The following SLC4A8 variants were observed in gnomAD, a reference collection of about 807,000 sequenced individuals.
SLC4A8 encodes the protein electroneutral sodium bicarbonate exchanger 1.
SLC4A8 carries 40 observed loss-of-function variants against 125.0 expected under a neutral mutation model. That is an observed-to-expected ratio of 0.32 (90% CI 0.25 to 0.42). The LOEUF (loss-of-function observed/expected upper bound fraction) is 0.42, where lower values mean the gene tolerates loss of function less well. SLC4A8 is among the 10% of genes least tolerant of loss of function. SLC4A8 has a pLI of 1.00. For missense variants in SLC4A8, 863 were observed against 1,355.1 expected (o/e 0.64, Z 5.70); for synonymous variants, 456 against 476.0 (o/e 0.96, Z 0.55).
upstream of SLC4A8, among the ~76,000 whole-genome samples, chr12:51,423,482 TA>T (rs1435681905): frequency 2.6e-5 from 4 of 152,216 alleles, no homozygotes; most frequent in African/African-American, 9.6e-5. Flanking sequence ...CAATGAACAC[TA>T]AAACGCAGAG....
chr12:51,412,581 C>T (rs1359829226), intron 1 of SLC4A8, among the ~76,000 whole-genome samples: 1 of 152,206 alleles, frequency 6.6e-6, no homozygotes, highest in East Asian at 1.9e-4. Flanking sequence ...TCATTCCCCA[C>T]CTGCCCCTGC....
intron 1 of SLC4A8, among the ~76,000 whole-genome samples, chr12:51,414,790 T>A (rs1948654290): frequency 6.6e-6 from 1 of 152,210 alleles, no homozygotes; most frequent in Admixed American, 6.5e-5. Context: ...GTATATTAGG[T>A]GTGGATTTAT....
At position 51,495,047 on chromosome 12, in the gene SLC4A8, A is replaced by T; in HGVS notation, c.2872A>T (p.Ile958Phe). 1 of 1,614,116 alleles carries T rather than the reference A, an allele frequency of 6.2e-7. No individual in the cohort carries two copies. The highest frequency in any genetic ancestry group is 8.5e-7 in the Non-Finnish European group (1 of 1,179,976). ...PLRKVHLFTL[I>F]QLTCLVLLWV... The stretch of plus-strand genomic sequence containing the variant: ...GCGCAAAGTGCACCTCTTCACCCTC[A>T]TCCAGTTGACCTGTCTCGTCCTGCT... The change falls in exon 21 of 25, where the codon ATC (isoleucine) becomes TTC (phenylalanine). Residue 958 changes from isoleucine to phenylalanine, a missense_variant. Physicochemically the swap from Ile to Phe is conservative, Grantham distance 21 (BLOSUM62 0). Coordinates refer to ENST00000453097, the MANE Select transcript of SLC4A8 (RefSeq NM_001039960.3).
chr12:51,490,886 T>G lies in SLC4A8; in HGVS notation c.2700+935T>G, dbSNP rs185178126. ...ACTCTGGCTGAGGTCTAGGGAAGAA[T>G]AGAAGCAGACAGACCAGTGAAGCTG... On this transcript the variant is annotated intron_variant, in intron 19 of 24. Coordinates refer to ENST00000453097, the MANE Select transcript of SLC4A8 (RefSeq NM_001039960.3). Among the ~76,000 whole-genome samples the G allele has an allele frequency of 6.6e-5, 10 of 152,176 alleles. No homozygotes were observed. In the East Asian group the frequency reaches 9.7e-4, roughly 15 times the overall value.
intron 16 of SLC4A8, chr12:51,479,969 A>ATTTT: frequency 8.9e-5 from 27 of 301,914 alleles, no homozygotes; most frequent in South Asian, 1.8e-4. Flanking sequence ...TATAAATGGA[A>ATTTT]TTTTTTTTTT....
At chr12:51,419,518 T>A (rs1324879749) in intron 1 of SLC4A8, among the ~76,000 whole-genome samples, 3 of 152,250 alleles carry the variant, frequency 2.0e-5, no homozygotes, top group Non-Finnish European at 4.4e-5. Context: ...AGCTCTTGTA[T>A]CAAGGACTTG....
chr12:51,489,293 C>G (rs1951241110), intron 18 of SLC4A8, among the ~76,000 whole-genome samples: 1 of 152,066 alleles, frequency 6.6e-6, no homozygotes, highest in Admixed American at 6.6e-5. Context: ...AGCAGGCAAG[C>G]AATATCCAAA....
intron 16 of SLC4A8, among the ~76,000 whole-genome samples, chr12:51,485,382 C>T (rs923125739): frequency 1.7e-4 from 26 of 151,946 alleles, no homozygotes; most frequent in African/African-American, 6.0e-4. Context: ...AAGGGAGAGC[C>T]AATAGGACTT....
At position 51,425,027 on chromosome 12, in the gene SLC4A8, A is replaced by G; in HGVS notation, c.40A>G (p.Ser14Gly). ...GAGTAACGAGCCGGACGGCGTCCTC[A>G]GCTATCAGGTAGGGCCCCGCCTCCC... ...AGSNEPDGVLSYQRPDEEAVV... is the reference protein window; with the variant it reads ...AGSNEPDGVLGYQRPDEEAVV... Residue 14 changes from serine (S) to glycine (G), a missense_variant, in exon 1 of 25, where the codon AGC (serine) becomes GGC (glycine). Ser to Gly is a moderately conservative substitution (Grantham distance 56). Coordinates refer to ENST00000453097, the MANE Select transcript of SLC4A8 (RefSeq NM_001039960.3). The G allele has an allele frequency of 1.9e-6, 3 of 1,556,888 alleles. No homozygotes were observed. The highest frequency in any genetic ancestry group is 2.6e-6 in the Non-Finnish European group (3 of 1,151,060).
chr12:51,418,076 G>C (rs193237845), intron 1 of SLC4A8, among the ~76,000 whole-genome samples: 7 of 152,358 alleles, frequency 4.6e-5, no homozygotes. Flanking sequence ...GTCTCAGAAA[G>C]ATAAGAACGA....
At chr12:51,490,562 C>CAAAA (rs767679317) in intron 19 of SLC4A8, among the ~76,000 whole-genome samples, 13 of 37,550 alleles carry the variant, frequency 3.5e-4, no homozygotes, top group East Asian at 7.8e-4. Context: ...GACTCCATCT[C>CAAAA]AAAAAAAAAA....
intron 1 of SLC4A8, among the ~76,000 whole-genome samples, chr12:51,404,987 G>T (rs189176955): frequency 5.9e-5 from 9 of 152,314 alleles, no homozygotes; most frequent in African/African-American, 2.2e-4. Context: ...GAAAAGGCTT[G>T]AGGTAAAAGG....
chr12:51,445,003 G>A (rs1949728218), intron 2 of SLC4A8, among the ~76,000 whole-genome samples: 1 of 152,106 alleles, frequency 6.6e-6, no homozygotes, highest in African/African-American at 2.4e-5. Flanking sequence ...ATCCTTTGCG[G>A]GGTTTGTAGG....
chr12:51,472,823 C>G (rs1028942137), intron 14 of SLC4A8, among the ~76,000 whole-genome samples: 5 of 152,062 alleles, frequency 3.3e-5, no homozygotes, highest in African/African-American at 1.2e-4. Context: ...TGATGTGAAG[C>G]TAGAACTCCT....
rs546469988 is a variant in SLC4A8 at position 51,430,221 on chromosome 12, A to G, written c.48+5186A>G. On this transcript the variant is annotated intron_variant, in intron 1 of 24. Coordinates refer to ENST00000453097, the MANE Select transcript of SLC4A8 (RefSeq NM_001039960.3). Reference sequence around the variant, plus strand: ...GCTGATAGGAGTAGAGTTACACCCCATGTCTTATGATGGACCTGAAAAAGC... The same window carrying G: ...GCTGATAGGAGTAGAGTTACACCCCGTGTCTTATGATGGACCTGAAAAAGC... 1.2e-4 allele frequency among the ~76,000 whole-genome samples: 19 copies of G among 152,240 alleles called. No homozygotes were observed. In the East Asian group the frequency reaches 3.1e-3, roughly 25 times the overall value.
At position 51,456,460 on chromosome 12, in the gene SLC4A8, T is replaced by C. The variant is rs143392745; in HGVS notation, c.575-891T>C. On this transcript the variant is annotated intron_variant, in intron 5 of 24. Transcript: ENST00000453097. ...GCATAGGACTGAAGTAAAAGTGCTA[T>C]GATTCTTCACATCAGGTACCTAATA... Among the ~76,000 whole-genome samples the C allele has an allele frequency of 3.8e-3, 585 of 152,326 alleles. 7 individuals carry two copies. Among genetic ancestry groups the C allele is most frequent in the South Asian group, 0.018 (85 of 4,826 alleles).
chr12:51,463,738 C>T (rs201270938), intron 11 of SLC4A8, 24 bp downstream of exon 11: 89 of 1,494,844 alleles, frequency 6.0e-5, no homozygotes, highest in Middle Eastern at 5.2e-4. Flanking sequence ...CGTTTCACAG[C>T]GATGCTGCTT....
At chr12:51,443,097 C>G (rs529148772) in intron 2 of SLC4A8, among the ~76,000 whole-genome samples, 2 of 152,248 alleles carry the variant, frequency 1.3e-5, no homozygotes, top group East Asian at 3.9e-4. Flanking sequence ...ACAACAACCT[C>G]TAGTCCAAGA....
intron 16 of SLC4A8, among the ~76,000 whole-genome samples, chr12:51,477,147 G>A (rs1287542386): frequency 6.6e-5 from 10 of 151,686 alleles, no homozygotes; most frequent in East Asian, 5.8e-4. Flanking sequence ...CAGGTGATCC[G>A]CCTGCCTCAG....
Sources: allele counts gnomAD v4.1 joint callset (sites outside exome capture counted in the v4.1 genomes callset), GRCh38; gene constraint gnomAD v4.1.1; transcripts MANE v1.5; gene names NCBI Gene and HGNC (gene_info 2026-07-23, HGNC 2026-07-21).